Variants in FRMD4A observed in about 807,000 individuals in gnomAD.
FRMD4A encodes FERM domain-containing protein 4A.
Under a neutral mutation model 129.1 loss-of-function variants are expected in FRMD4A, and 29 were observed. The observed-to-expected ratio is 0.22, with a 90% CI of 0.17 to 0.31. The LOEUF (loss-of-function observed/expected upper bound fraction) is 0.31, where lower values mean the gene tolerates loss of function less well. Ranked by LOEUF, FRMD4A falls within the 10% of genes least tolerant of loss-of-function variation. The pLI is 1.00. For missense variants in FRMD4A, 1,272 were observed against 1,375.8 expected (o/e 0.92, Z 1.19); for synonymous variants, 634 against 571.6 (o/e 1.11, Z -1.56).
rs117489545 is a variant in FRMD4A at position 13,694,952 on chromosome 10, C to T, written c.976-913G>A. Among the ~76,000 whole-genome samples, 193 of 152,222 alleles carry T rather than the reference C, an allele frequency of 1.3e-3. 3 individuals carry two copies. In the East Asian group the frequency reaches 0.033, roughly 26 times the overall value. ...TGGATTCTGGGGTCCCACCAACGAA[C>T]GTCTGACACGGTGCTTTGCTTATTT... On this transcript the variant is annotated intron_variant, in intron 14 of 24. Coordinates refer to ENST00000357447, the MANE Select transcript of FRMD4A (RefSeq NM_018027.5).
intron 2 of FRMD4A, among the ~76,000 whole-genome samples, chr10:14,207,981 G>A (rs534358414): frequency 1.3e-5 from 2 of 152,104 alleles, no homozygotes; most frequent in African/African-American, 2.4e-5. Context: ...CCAGGGGATC[G>A]CTTGAACTTA....
At chr10:13,834,821 G>A (rs2093847764) in intron 3 of FRMD4A, among the ~76,000 whole-genome samples, 1 of 152,148 alleles carries the variant, frequency 6.6e-6, no homozygotes. Flanking sequence ...AGAGGCACAT[G>A]GCTTTTTAAG....
intron 2 of FRMD4A, among the ~76,000 whole-genome samples, chr10:14,076,225 C>T (rs7099140): frequency 0.022 from 3,301 of 152,208 alleles, 99 homozygotes; most frequent in African/African-American, 0.072. Context: ...ATGTTACCTG[C>T]GAGCTTACCA....
At chr10:13,888,298 CAT>C (rs1415726007) in intron 2 of FRMD4A, among the ~76,000 whole-genome samples, 1 of 152,228 alleles carries the variant, frequency 6.6e-6, no homozygotes, top group Non-Finnish European at 1.5e-5. Flanking sequence ...CAAATATCTA[CAT>C]ACCCTCCACA....
chr10:13,947,792 T>C (rs1008895497), intron 2 of FRMD4A, among the ~76,000 whole-genome samples: 4 of 152,176 alleles, frequency 2.6e-5, no homozygotes, highest in Non-Finnish European at 5.9e-5. Flanking sequence ...AAATGCCTCA[T>C]TGGATGGTTA....
intron 2 of FRMD4A, among the ~76,000 whole-genome samples, chr10:13,892,027 G>GCCCC (rs577257969): frequency 1.5e-5 from 2 of 136,754 alleles, no homozygotes; most frequent in East Asian, 2.2e-4. Context: ...GCGCGCCCCC[G>GCCCC]CCCCCCCAGA....
intron 2 of FRMD4A, among the ~76,000 whole-genome samples, chr10:14,185,511 T>G (rs529418844): frequency 2.0e-5 from 3 of 152,278 alleles, no homozygotes; most frequent in East Asian, 3.9e-4. Context: ...AAGTATTTTT[T>G]GGAGGTTTGT....
chr10:13,861,441 T>C (rs918871330), intron 2 of FRMD4A, among the ~76,000 whole-genome samples: 1 of 152,198 alleles, frequency 6.6e-6, no homozygotes, highest in Non-Finnish European at 1.5e-5. Flanking sequence ...TAAAACAACA[T>C]AGCATGTCCT....
intron 2 of FRMD4A, among the ~76,000 whole-genome samples, chr10:13,961,060 T>A (rs1315140483): frequency 2.6e-5 from 4 of 152,210 alleles, no homozygotes; most frequent in Admixed American, 6.5e-5. Flanking sequence ...ATGACCCCTA[T>A]AATAAAAATG....
At chr10:14,166,582 A>G (rs1327942747) in intron 2 of FRMD4A, among the ~76,000 whole-genome samples, 1 of 152,232 alleles carries the variant, frequency 6.6e-6, no homozygotes, top group Non-Finnish European at 1.5e-5. Flanking sequence ...ATGAACCCAA[A>G]CCAAAGTCAA....
chr10:13,660,810 G>A (rs556052877), intron 19 of FRMD4A, among the ~76,000 whole-genome samples: 118 of 152,218 alleles, frequency 7.8e-4, no homozygotes, highest in Non-Finnish European at 1.5e-3. Flanking sequence ...GATTAGACAC[G>A]AATGGAGTGA....
chr10:14,040,919 C>T (rs555787539), intron 2 of FRMD4A, among the ~76,000 whole-genome samples: 2 of 152,212 alleles, frequency 1.3e-5, no homozygotes, highest in South Asian at 2.1e-4. Context: ...GAAGGCAAAA[C>T]GTCTATTACC....
At chr10:14,008,075 C>T (rs1394849188) in intron 2 of FRMD4A, 1 of 1,303,750 alleles carries the variant, frequency 7.7e-7, no homozygotes, top group South Asian at 1.2e-5. Flanking sequence ...CAACGCTGCG[C>T]CTTCTCAGAG....
intron 2 of FRMD4A, among the ~76,000 whole-genome samples, chr10:14,131,005 CAGG>C (rs1839219519): frequency 6.6e-6 from 1 of 152,082 alleles, no homozygotes; most frequent in African/African-American, 2.4e-5. Context: ...TGCCTGACAC[CAGG>C]AGGAGAAAGC....
At chr10:13,688,956 G>A (rs1392272064) in intron 15 of FRMD4A, among the ~76,000 whole-genome samples, 1 of 151,934 alleles carries the variant, frequency 6.6e-6, no homozygotes, top group Non-Finnish European at 1.5e-5. Flanking sequence ...GCCTGCCTTG[G>A]CCTCCCAAAG....
intron 14 of FRMD4A, among the ~76,000 whole-genome samples, chr10:13,698,226 C>T (rs570091066): frequency 2.0e-5 from 3 of 152,250 alleles, no homozygotes; most frequent in South Asian, 2.1e-4. Flanking sequence ...CTTGCTGACT[C>T]GAACCACTAG....
chr10:14,232,731 T>G (rs115575163), intron 2 of FRMD4A, among the ~76,000 whole-genome samples: 2,060 of 152,328 alleles, frequency 0.014, 42 homozygotes, highest in African/African-American at 0.046. Context: ...GCTTGGATGT[T>G]ATTGGTGTAT....
chr10:14,211,354 C>T (rs1338757880), intron 2 of FRMD4A, among the ~76,000 whole-genome samples: 1 of 152,122 alleles, frequency 6.6e-6, no homozygotes, highest in Non-Finnish European at 1.5e-5. Flanking sequence ...GTTCCTGATT[C>T]AGTGAGAGGC....
chr10:14,225,124 G>A (rs1843392712), intron 2 of FRMD4A, among the ~76,000 whole-genome samples: 1 of 152,142 alleles, frequency 6.6e-6, no homozygotes, highest in African/African-American at 2.4e-5. Flanking sequence ...TATACACCAG[G>A]TGGCGGTAAG....
Sources: allele counts gnomAD v4.1 joint callset (sites outside exome capture counted in the v4.1 genomes callset), GRCh38; gene constraint gnomAD v4.1.1; transcripts MANE v1.5; gene names NCBI Gene and HGNC (gene_info 2026-07-23, HGNC 2026-07-21).